INPP5A: variants seen among roughly 807,000 people sequenced by gnomAD.
The protein encoded by INPP5A is 43 kDa inositol polyphosphate 5-phophatase.
Under a neutral mutation model 65.2 loss-of-function variants are expected in INPP5A, and 14 were observed. That is an observed-to-expected ratio of 0.21 (90% confidence interval 0.14 to 0.34). The LOEUF is 0.34. INPP5A is among the 10% of genes least tolerant of loss of function. INPP5A has a pLI of 1.00. For synonymous variants in INPP5A, 207 were observed against 208.3 expected, an observed-to-expected ratio of 0.99 and a Z score of 0.05; for missense variants, 431 against 545.6, an observed-to-expected ratio of 0.79 and a Z score of 2.09.
intron 1 of INPP5A, among the ~76,000 whole-genome samples, chr10:132,556,902 T>A (rs1250529668): frequency 6.6e-6 from 1 of 152,228 alleles, no homozygotes; most frequent in African/African-American, 2.4e-5. Context: ...TAGACACTTC[T>A]GTCATTGTGC....
intron 8 of INPP5A, among the ~76,000 whole-genome samples, chr10:132,721,905 A>G (rs993675454): frequency 1.3e-5 from 2 of 152,206 alleles, no homozygotes; most frequent in African/African-American, 4.8e-5. Context: ...GGTAGAGCTC[A>G]CAGTGGGTGG....
chr10:132,686,776 C>T lies in INPP5A; in HGVS notation c.307-3616C>T, dbSNP rs532510836. ...ACATTTATTATGTTTTTTCAGAGTG[C>T]TTTCTTTATCTGAAACAAATGAAGG... On this transcript the variant is annotated intron_variant, in intron 4 of 15. Transcript: ENST00000368594. Among the ~76,000 whole-genome samples, 172 of 152,240 alleles carry T rather than the reference C, an allele frequency of 1.1e-3. 2 individuals are homozygous for T. The highest frequency in any genetic ancestry group is 4.0e-3 in the African/African-American group (167 of 41,544).
Position 132,697,940 on chromosome 10 carries a change from A to C in INPP5A, c.474+21A>C. ...CCGAGGTACGTAGCGAGGCTTTCTCACTGACGTGTTTACTTCTCAGAGTGA... is the reference window on the plus strand; with the variant it reads ...CCGAGGTACGTAGCGAGGCTTTCTCCCTGACGTGTTTACTTCTCAGAGTGA... On this transcript the variant is annotated intron_variant, in intron 6 of 15. Coordinates refer to ENST00000368594, the MANE Select transcript of INPP5A (RefSeq NM_005539.5). The surrounding 1 kb of genome is among the most constrained non-coding windows in gnomAD (Gnocchi z 5.6). 1 of 1,512,978 alleles carries C rather than the reference A, an allele frequency of 6.6e-7. No individual in the cohort carries two copies. Among genetic ancestry groups the C allele is most frequent in the Non-Finnish European group, 9.2e-7 (1 of 1,089,944 alleles). The allele number at this position is 1,512,978 out of a possible 1,614,324, so 93.7% of individuals were successfully genotyped here.
In INPP5A at chr10:132,551,265, G is replaced by C. The variant is rs2071045245; in HGVS notation, c.75+13094G>C. 6.6e-6 allele frequency among the ~76,000 whole-genome samples: 1 copy of C among 152,226 alleles called. No individual in the cohort carries two copies. The highest frequency in any genetic ancestry group is 2.4e-5 in the African/African-American group (1 of 41,462). On this transcript the variant is annotated intron_variant, in intron 1 of 15. Transcript: ENST00000368594. The surrounding 1 kb of genome is among the most constrained non-coding windows in gnomAD (Gnocchi z 5.3). The stretch of plus-strand genomic sequence containing the variant: ...GGGGAGCCCCTTCCTGTGGTCCCTG[G>C]CACTCTGACCACATGGATGAGCCTG...
At chr10:132,611,945 AG>A (rs2071962605) in intron 2 of INPP5A, among the ~76,000 whole-genome samples, 2 of 85,530 alleles carry the variant, frequency 2.3e-5, no homozygotes, top group Non-Finnish European at 2.3e-5. Flanking sequence ...GCCCTGTCAG[AG>A]GAGGGTGTGG....
At chr10:132,754,438 C>T (rs1846553541) in intron 11 of INPP5A, among the ~76,000 whole-genome samples, 1 of 152,140 alleles carries the variant, frequency 6.6e-6, no homozygotes, top group African/African-American at 2.4e-5. Context: ...TCTCAGGCAC[C>T]AGGCTCAGGG....
In INPP5A at chr10:132,555,354, C is replaced by T. The variant is rs890524275; in HGVS notation, c.75+17183C>T. Reference sequence around the variant, plus strand: ...CCCTGAGTACGTTCACCCCATTTTACAGGCGCTGGCCCAGTGGAGCTGCTG... The same window carrying T: ...CCCTGAGTACGTTCACCCCATTTTATAGGCGCTGGCCCAGTGGAGCTGCTG... On this transcript the variant is annotated intron_variant, in intron 1 of 15. Coordinates refer to ENST00000368594, the MANE Select transcript of INPP5A (RefSeq NM_005539.5). This position sits in a 1 kb window ranked among gnomAD's most constrained non-coding sequence, Gnocchi z 4.4. Among the ~76,000 whole-genome samples, 1 of 152,104 alleles carries T rather than the reference C, an allele frequency of 6.6e-6. No homozygotes were observed. The highest frequency in any genetic ancestry group is 6.5e-5 in the Admixed American group (1 of 15,274).
chr10:132,655,212 G>A (rs751202740), intron 4 of INPP5A, among the ~76,000 whole-genome samples: 21 of 152,202 alleles, frequency 1.4e-4, no homozygotes, highest in African/African-American at 3.1e-4. Flanking sequence ...TCCCTGAAGC[G>A]CCTTTGTCAG....
chr10:132,573,759 A>G (rs547356370), intron 1 of INPP5A, among the ~76,000 whole-genome samples: 1 of 75,804 alleles, frequency 1.3e-5, no homozygotes, highest in Non-Finnish European at 2.5e-5. Flanking sequence ...TTTTGTTGAG[A>G]TGTTGGGGTG....
In INPP5A at chr10:132,663,627, T is replaced by G. The variant is rs1327671529; in HGVS notation, c.306+13122T>G. 1.3e-5 allele frequency among the ~76,000 whole-genome samples: 2 copies of G among 152,242 alleles called. No homozygotes were observed. The highest frequency in any genetic ancestry group is 4.8e-5 in the African/African-American group (2 of 41,472). ...ACGTTCACCTGTACTTTCTCTGCAC[T>G]CTGAGCCGGCAGGTGCCACTTCTAG... On this transcript the variant is annotated intron_variant, in intron 4 of 15. Transcript: ENST00000368594. This position sits in a 1 kb window ranked among gnomAD's most constrained non-coding sequence, Gnocchi z 4.5.
chr10:132,744,675 C>A (rs559786476), intron 9 of INPP5A, among the ~76,000 whole-genome samples: 1 of 152,144 alleles, frequency 6.6e-6, no homozygotes, highest in Non-Finnish European at 1.5e-5. Flanking sequence ...CTTTGTGGTT[C>A]GTTTTTATTT....
At chr10:132,658,226 T>C (rs1012675064) in intron 4 of INPP5A, among the ~76,000 whole-genome samples, 7 of 152,190 alleles carry the variant, frequency 4.6e-5, no homozygotes, top group Non-Finnish European at 1.0e-4. Context: ...AGTCCAGGGT[T>C]CTTGATCTGT....
intron 4 of INPP5A, among the ~76,000 whole-genome samples, chr10:132,667,036 C>T (rs375028267): frequency 1.3e-5 from 2 of 152,192 alleles, no homozygotes; most frequent in African/African-American, 2.4e-5. Context: ...TGCTGGATGC[C>T]GCTTTCCAAG....
At chr10:132,645,422 G>A (rs756358579) in intron 2 of INPP5A, among the ~76,000 whole-genome samples, 1 of 152,214 alleles carries the variant, frequency 6.6e-6, no homozygotes. Flanking sequence ...CGGCACACGC[G>A]TGCTGGTACG....
chr10:132,650,616 TC>T lies in INPP5A; in HGVS notation c.306+112del. On this transcript the variant is annotated intron_variant, in intron 4 of 15. Coordinates refer to ENST00000368594, the MANE Select transcript of INPP5A (RefSeq NM_005539.5). The surrounding 1 kb of genome is among the most constrained non-coding windows in gnomAD (Gnocchi z 5.5). ...GTCGGGGTGCTCCCTGCCTGAAGCC[TC>T]ACTCACGCTGCCCTGCCTGGCACTC... 1 of 752,228 alleles carries T rather than the reference TC, an allele frequency of 1.3e-6. No individual in the cohort carries two copies. Among genetic ancestry groups the T allele is most frequent in the Non-Finnish European group, 2.3e-6 (1 of 432,754 alleles). The allele number at this position is 752,228 out of a possible 1,614,324, so 46.6% of individuals were successfully genotyped here. A position where few individuals can be genotyped will look rare whatever the true frequency, so the allele number is the denominator to read the frequency against.
chr10:132,717,250 C>T (rs1845756280), intron 8 of INPP5A, among the ~76,000 whole-genome samples: 1 of 152,194 alleles, frequency 6.6e-6, no homozygotes, highest in African/African-American at 2.4e-5. Flanking sequence ...CCGCCTCCCT[C>T]CCCCACCCCC....
At chr10:132,687,223 C>A (rs529603195) in intron 4 of INPP5A, among the ~76,000 whole-genome samples, 2 of 152,232 alleles carry the variant, frequency 1.3e-5, no homozygotes, top group African/African-American at 2.4e-5. Flanking sequence ...GTATTACAGG[C>A]GTGAGCCACC....
chr10:132,564,391 A>G (rs566174379), intron 1 of INPP5A, among the ~76,000 whole-genome samples: 26 of 152,110 alleles, frequency 1.7e-4, no homozygotes, highest in Non-Finnish European at 3.2e-4. Context: ...GTGGGCTTGG[A>G]GGCCCTGACC....
At position 132,638,817 on chromosome 10, in the gene INPP5A, C is replaced by T. The variant is rs536313428; in HGVS notation, c.118-7051C>T. ...TTCTGACCTCAGGTGATCCACCCGC[C>T]TCGGCCTCCCAAATTGCTGGGATTA... On this transcript the variant is annotated intron_variant, in intron 2 of 15. Coordinates refer to ENST00000368594, the MANE Select transcript of INPP5A (RefSeq NM_005539.5). Among the ~76,000 whole-genome samples the T allele has an allele frequency of 2.0e-4, 31 of 152,300 alleles. No homozygotes were observed. The East Asian group carries it at 5.8e-3, about 28-fold the overall frequency.
Sources: allele counts gnomAD v4.1 joint callset (sites outside exome capture counted in the v4.1 genomes callset), GRCh38; gene constraint gnomAD v4.1.1; non-coding constraint Gnocchi (gnomAD v3.1); transcripts MANE v1.5; gene names NCBI Gene and HGNC (gene_info 2026-07-23, HGNC 2026-07-21).